Variants in TNRC6C observed in about 807,000 individuals in gnomAD.
TNRC6C encodes trinucleotide repeat containing adaptor 6C.
A neutral mutation model predicts 153.7 loss-of-function variants in TNRC6C; 20 were observed. That is an observed-to-expected ratio of 0.13 (90% CI 0.09 to 0.19). TNRC6C has a LOEUF of 0.19. Among genes scored for constraint, TNRC6C ranks in the 10% least tolerant of loss-of-function variants. The pLI is 1.00. For missense variants in TNRC6C, 1,987 were observed against 2,172.0 expected, an observed-to-expected ratio of 0.91 and a Z score of 1.69; for synonymous variants, 811 against 841.4, an observed-to-expected ratio of 0.96 and a Z score of 0.63.
chr17:78,086,349 A>C (rs867036942), intron 11 of TNRC6C, among the ~76,000 whole-genome samples, 154 bp from the exon 14 acceptor site: 3,325 of 149,384 alleles, frequency 0.022, 55 homozygotes, highest in Non-Finnish European at 0.034. Context: ...AAAAAAAAAA[A>C]AAAAAAAAAA....
chr17:78,108,500 G>A (rs1017850082), exon 20 of TNRC6C: 16 of 155,000 alleles, frequency 1.0e-4, no homozygotes, highest in African/African-American at 2.2e-4. Context: ...AACTGTACCC[G>A]TGCCTGTGCG....
At chr17:77,993,673 T>C (rs1210425147) in intron 1 of TNRC6C, among the ~76,000 whole-genome samples, 4 of 152,174 alleles carry the variant, frequency 2.6e-5, no homozygotes, top group Non-Finnish European at 5.9e-5. Flanking sequence ...GTCTAAACTT[T>C]TGCAGGGTGT....
chr17:78,044,536 A>C (rs984729815), intron 2 of TNRC6C, among the ~76,000 whole-genome samples: 11 of 152,242 alleles, frequency 7.2e-5, no homozygotes, highest in Non-Finnish European at 1.2e-4. Flanking sequence ...CATGAGAGAA[A>C]GAAGTCGTTC....
chr17:78,064,498 C>T (rs2072833195), intron 3 of TNRC6C, among the ~76,000 whole-genome samples: 1 of 151,884 alleles, frequency 6.6e-6, no homozygotes, highest in South Asian at 2.1e-4. Context: ...GGCAACACAG[C>T]GAGTCCCCAT....
chr17:78,007,083 T>C (rs1434754480), intron 1 of TNRC6C, among the ~76,000 whole-genome samples: 1 of 151,888 alleles, frequency 6.6e-6, no homozygotes, highest in African/African-American at 2.4e-5. Context: ...CCTCAAATGA[T>C]TCCCCCCCAC....
exon 4 of TNRC6C, chr17:78,064,801 C>G: frequency 1.2e-6 from 2 of 1,613,900 alleles, no homozygotes; most frequent in Non-Finnish European, 1.7e-6. Context: ...CCCCTTCTAC[C>G]CTGGTGGATA....
chr17:78,055,010 C>G (rs1384565141), intron 3 of TNRC6C, among the ~76,000 whole-genome samples: 1 of 150,484 alleles, frequency 6.6e-6, no homozygotes, highest in African/African-American at 2.5e-5. Context: ...TACTGTACAC[C>G]ACTGCAAAGT....
intron 16 of TNRC6C, among the ~76,000 whole-genome samples, chr17:78,097,480 A>G (rs1190213490): frequency 1.3e-5 from 2 of 152,162 alleles, no homozygotes; most frequent in Admixed American, 6.5e-5. Context: ...TCTGGCGGGA[A>G]TTCTCAAAGA....
chr17:78,033,048 C>A (rs1034647276), intron 2 of TNRC6C, among the ~76,000 whole-genome samples: 1 of 152,184 alleles, frequency 6.6e-6, no homozygotes, highest in African/African-American at 2.4e-5. Flanking sequence ...TTGGGAAAAT[C>A]TTAACAGAGA....
intron 3 of TNRC6C, among the ~76,000 whole-genome samples, chr17:78,054,321 CACTGCAGACTACTGCACACT>C (rs1388061405): frequency 6.6e-6 from 1 of 152,048 alleles, no homozygotes; most frequent in Admixed American, 6.5e-5. Flanking sequence ...CTACGCACAC[CACTGCAGACTACTGCACACT>C]ACTGCAGACT....
At position 78,097,962 on chromosome 17, in the gene TNRC6C, C is replaced by T. The variant is rs977099900; in HGVS notation, c.4307-381C>T. 3 of 1,029,728 alleles carry T rather than the reference C, an allele frequency of 2.9e-6. No individual in the cohort carries two copies. The African/African-American group carries it at 4.9e-5, about 17-fold the overall frequency. 63.8% of individuals were successfully genotyped at this position (1,029,728 alleles called of 1,614,324 possible). On this transcript the variant is annotated intron_variant, in intron 16 of 19. Coordinates refer to ENST00000301624, the Ensembl canonical transcript of TNRC6C. ...TTTCCTATTGGCTCTTTACTCACTC[C>T]CTGAGCTGGGAGGCCGTGTGGCGTG...
At chr17:78,062,641 A>G (rs1488846957) in intron 3 of TNRC6C, among the ~76,000 whole-genome samples, 1 of 152,228 alleles carries the variant, frequency 6.6e-6, no homozygotes, top group Non-Finnish European at 1.5e-5. Context: ...GAAGCAAAAG[A>G]TTAGAATTTG....
intron 17 of TNRC6C, 147 bp downstream of exon 20, chr17:78,098,684 A>T: frequency 1.2e-6 from 1 of 823,314 alleles, no homozygotes. Flanking sequence ...GCCACCCTAG[A>T]TGTCCATCCA....
intron 3 of TNRC6C, among the ~76,000 whole-genome samples, chr17:78,055,760 A>G (rs140527335): frequency 6.6e-6 from 1 of 152,298 alleles, no homozygotes; most frequent in African/African-American, 2.4e-5. Flanking sequence ...CATGGTTGGC[A>G]GTCATGTATG....
intron 10 of TNRC6C, 46 bp from the exon 13 acceptor site, chr17:78,083,000 AT>A (rs2073210462): frequency 6.2e-7 from 1 of 1,604,376 alleles, no homozygotes; most frequent in East Asian, 2.2e-5. Flanking sequence ...ACAAGTAACT[AT>A]TTTAACAGAG....
At chr17:78,101,837 C>T (rs2073601281) in intron 17 of TNRC6C, among the ~76,000 whole-genome samples, 1 of 152,090 alleles carries the variant, frequency 6.6e-6, no homozygotes, top group South Asian at 2.1e-4. Context: ...TGTTCCTTGC[C>T]CTCATTCCGG....
At chr17:77,988,447 T>C (rs1354987398) in intron 1 of TNRC6C, among the ~76,000 whole-genome samples, 1 of 152,210 alleles carries the variant, frequency 6.6e-6, no homozygotes, top group Non-Finnish European at 1.5e-5. Context: ...GAATTTCTTC[T>C]CTTCATCTGC....
intron 16 of TNRC6C, 58 bp downstream of exon 19, chr17:78,097,919 C>CT: frequency 2.3e-6 from 3 of 1,332,182 alleles, no homozygotes; most frequent in Non-Finnish European, 3.1e-6. Flanking sequence ...CCAAACAAAA[C>CT]TTTGACAGGC....
At chr17:78,097,892 GCATTTTCTTTCTTTT>G in intron 16 of TNRC6C, 31 bp downstream of exon 19, 4 of 1,467,912 alleles carry the variant, frequency 2.7e-6, no homozygotes, top group Non-Finnish European at 3.6e-6. Context: ...CTTGCAGGTA[GCATTTTCTTTCTTTT>G]CCCAAACAAA....
Sources: gnomAD v4.1 joint callset for allele counts (sites outside exome capture counted in the v4.1 genomes callset) on GRCh38, gnomAD v4.1.1 for gene constraint, MANE v1.5 for transcripts, NCBI Gene and HGNC (gene_info 2026-07-23, HGNC 2026-07-21) for gene names.